SYNE1: variants seen among roughly 807,000 people sequenced by gnomAD.
The protein encoded by SYNE1 is spectrin repeat containing nuclear envelope protein 1.
Under a neutral mutation model 1,111.0 loss-of-function variants are expected in SYNE1, and 616 were observed. The observed-to-expected ratio is 0.55, with a 90% confidence interval of 0.52 to 0.59. The LOEUF (loss-of-function observed/expected upper bound fraction) is 0.59, where lower values mean the gene tolerates loss of function less well. Ranked by LOEUF, SYNE1 falls within the 20% of genes least tolerant of loss-of-function variation. The probability of loss-of-function intolerance (pLI) is 0.00; values close to 1 mark genes in which losing one functional copy is unlikely to be tolerated. For missense variants in SYNE1, 10,006 were observed against 10,417.0 expected, an observed-to-expected ratio of 0.96 and a Z score of 1.72; for synonymous variants, 3,855 against 3,825.8, an observed-to-expected ratio of 1.01 and a Z score of -0.28.
At chr6:152,453,791 C>G in intron 24 of SYNE1, 71 bp from the exon 25 acceptor site, 3 of 1,599,356 alleles carry the variant, frequency 1.9e-6, no homozygotes, top group Non-Finnish European at 2.6e-6. Context: ...CAATCAGCCT[C>G]TAAGCCTCCA....
Position 152,368,971 on chromosome 6 carries a change from C to A in SYNE1, c.9807+1G>T. ...CACACACAGCACGTGCCAGGCGTTA[C>A]CTTTGTTAAATTGCTTAGCGCTAGA... is the stretch of plus-strand genomic sequence containing the variant. On this transcript the variant is annotated splice_donor_variant, in intron 61 of 145. Coordinates refer to ENST00000367255, the MANE Select transcript of SYNE1 (RefSeq NM_182961.4). LOFTEE classifies it high-confidence loss of function. 3.7e-6 allele frequency: 6 copies of A among 1,614,178 alleles called. No individual in the cohort carries two copies. Among genetic ancestry groups the A allele is most frequent in the Non-Finnish European group, 5.1e-6 (6 of 1,180,038 alleles).
rs546512099 is a variant in SYNE1, at chr6:152,458,807, C to T, written c.2518G>A (p.Val840Ile). The stretch of plus-strand genomic sequence containing the variant: ...CTCGATTGTGCCTCACGCTCAAGAA[C>T]TGTGATAATTTCATTGATTTTCCCA... ...SLGKINEIITVLEREAQSSAL... is the reference protein window; with the variant it reads ...SLGKINEIITILEREAQSSAL... The change falls in exon 22 of 146, where the codon GTT becomes ATT. Residue 840 changes from valine to isoleucine, a missense_variant. Val to Ile is a conservative substitution (Grantham distance 29). Transcript: ENST00000367255. 1 of 1,614,050 alleles carries T rather than the reference C, an allele frequency of 6.2e-7. No individual in the cohort carries two copies. Among genetic ancestry groups the T allele is most frequent in the African/African-American group, 1.3e-5 (1 of 75,028 alleles).
intron 130 of SYNE1, among the ~76,000 whole-genome samples, chr6:152,166,881 T>C (rs985407394): frequency 1.3e-5 from 2 of 152,188 alleles, no homozygotes; most frequent in Non-Finnish European, 2.9e-5. Flanking sequence ...AACTTGACAT[T>C]TATTTGCAGG....
intron 2 of SYNE1, among the ~76,000 whole-genome samples, chr6:152,631,687 G>A (rs1207930354): frequency 1.3e-5 from 2 of 152,136 alleles, no homozygotes; most frequent in Admixed American, 6.5e-5. Context: ...CAGCTTTAGG[G>A]AACAAAATTT....
chr6:152,184,721 A>G (rs1375015240), intron 128 of SYNE1, among the ~76,000 whole-genome samples: 1 of 152,110 alleles, frequency 6.6e-6, no homozygotes, highest in Non-Finnish European at 1.5e-5. Context: ...CACCATGAAA[A>G]TGTTGCTTTC....
chr6:152,131,872 A>G (rs1476303693), intron 144 of SYNE1, among the ~76,000 whole-genome samples: 1 of 152,230 alleles, frequency 6.6e-6, no homozygotes, highest in Non-Finnish European at 1.5e-5. Context: ...TTGAGCAAGA[A>G]AAATAAATGT....
chr6:152,518,334 C>T (rs572890387), intron 6 of SYNE1, among the ~76,000 whole-genome samples: 44 of 151,838 alleles, frequency 2.9e-4, no homozygotes, highest in Non-Finnish European at 5.9e-4. Flanking sequence ...AACAGGAGGG[C>T]GAGTTCTTAT....
At chr6:152,504,311 A>G (rs370527076) in intron 9 of SYNE1, among the ~76,000 whole-genome samples, 1 of 152,178 alleles carries the variant, frequency 6.6e-6, no homozygotes, top group East Asian at 1.9e-4. Flanking sequence ...GGGGCCCTTC[A>G]TCTCAGAGGA....
At chr6:152,571,835 T>C (rs2099461297) in intron 3 of SYNE1, among the ~76,000 whole-genome samples, 1 of 152,230 alleles carries the variant, frequency 6.6e-6, no homozygotes, top group African/African-American at 2.4e-5. Flanking sequence ...TAACTAAATT[T>C]AGTTTTTAAT....
At chr6:152,493,917 CT>C (rs1421671592) in intron 11 of SYNE1, among the ~76,000 whole-genome samples, 2 of 152,206 alleles carry the variant, frequency 1.3e-5, no homozygotes, top group Non-Finnish European at 2.9e-5. Context: ...CCTTTCCCCA[CT>C]CGTCTTTCCG....
chr6:152,268,013 G>T, intron 100 of SYNE1, 43 bp downstream of exon 100: 1 of 1,515,374 alleles, frequency 6.6e-7, no homozygotes, highest in Non-Finnish European at 9.2e-7. Flanking sequence ...TCAAATGTCA[G>T]GGAAACACAA....
chr6:152,411,704 T>G (rs1369751649), intron 42 of SYNE1, among the ~76,000 whole-genome samples: 1 of 143,856 alleles, frequency 7.0e-6, no homozygotes, highest in Non-Finnish European at 1.5e-5. Flanking sequence ...AAGGAGCACT[T>G]AAAGTCACAC....
chr6:152,278,029 G>A, intron 98 of SYNE1, 60 bp downstream of exon 98: 2 of 1,589,374 alleles, frequency 1.3e-6, no homozygotes, highest in Non-Finnish European at 1.7e-6. Context: ...GCAAACCTTA[G>A]AAGGAGCACG....
rs568735662 is a variant in SYNE1 at position 152,251,762 on chromosome 6, A to T, written c.19471-2500T>A. Among the ~76,000 whole-genome samples, 3 of 152,298 alleles carry T rather than the reference A, an allele frequency of 2.0e-5. No individual in the cohort carries two copies. In the East Asian group the frequency reaches 5.8e-4, roughly 29 times the overall value. ...TGACAGAGCGAGACTCCGTCTCAAA[A>T]AAAATAAAAATAAATAAAAATAAAA... On this transcript the variant is annotated intron_variant, in intron 104 of 145. Coordinates refer to ENST00000367255, the MANE Select transcript of SYNE1 (RefSeq NM_182961.4).
chr6:152,230,383 T>TA lies in SYNE1; in HGVS notation c.21195+163dup, dbSNP rs746143296. Among the ~76,000 whole-genome samples the TA allele has an allele frequency of 2.3e-3, 349 of 152,080 alleles. 1 individual carries two copies. The highest frequency in any genetic ancestry group is 6.6e-3 in the African/African-American group (275 of 41,484). On this transcript the variant is annotated intron_variant, in intron 115 of 145. Transcript: ENST00000367255. Reference sequence around the variant, plus strand: ...CGAGTGAAAAAAACCTAATGTATTTTAAAAAAAACCCTATAAACTCACAAA... The same window carrying TA: ...CGAGTGAAAAAAACCTAATGTATTTTAAAAAAAAACCCTATAAACTCACAAA...
chr6:152,336,917 T>C lies in SYNE1; in HGVS notation c.12452A>G (p.Gln4151Arg), dbSNP rs886042888. ...CCTCCTCTTCATGTTCTGCAGTTGC[T>C]GATCAGCATCTTGCAGGTAAATCCA... is the stretch of plus-strand genomic sequence containing the variant. Reference protein sequence around the residue: ...ELWIYLQDADQQLQNMKRRHS... With the variant: ...ELWIYLQDADRQLQNMKRRHS... The change falls in exon 76 of 146, where the codon CAG becomes CGG. Residue 4151 changes from glutamine (Q) to arginine (R), a missense_variant. Around this residue, in one of 7 missense-constraint regions of SYNE1, gnomAD observed 4,955 missense variants for 5,017.2 expected, o/e 0.99. Transcript: ENST00000367255. 1 of 1,614,108 alleles carries C rather than the reference T, an allele frequency of 6.2e-7. No homozygotes were observed. The highest frequency in any genetic ancestry group is 8.5e-7 in the Non-Finnish European group (1 of 1,180,052).
intron 62 of SYNE1, among the ~76,000 whole-genome samples, chr6:152,365,295 A>G (rs1264867203): frequency 1.3e-5 from 2 of 152,200 alleles, no homozygotes; most frequent in African/African-American, 4.8e-5. Context: ...ACTGGTTTTA[A>G]CAAGGGAAAA....
chr6:152,138,009 A>G lies in SYNE1; in HGVS notation c.25459-1191T>C, dbSNP rs1198085569. 7.2e-5 allele frequency among the ~76,000 whole-genome samples: 11 copies of G among 152,282 alleles called. No homozygotes were observed. The East Asian group carries it at 1.9e-3, about 27-fold the overall frequency. On this transcript the variant is annotated intron_variant, in intron 140 of 145. Coordinates refer to ENST00000367255, the MANE Select transcript of SYNE1 (RefSeq NM_182961.4). ...ATTTGCTTCATCAACTTTTTAAGGA[A>G]TCTGGTTATAATGCAACATGGCCTT...
intron 107 of SYNE1, among the ~76,000 whole-genome samples, chr6:152,240,594 A>C (rs1044031946): frequency 1.3e-5 from 2 of 152,204 alleles, no homozygotes; most frequent in Non-Finnish European, 2.9e-5. Context: ...CCATGATAAA[A>C]TGGAAGAGCT....
Sources: allele counts gnomAD v4.1 joint callset (sites outside exome capture counted in the v4.1 genomes callset), GRCh38; gene constraint gnomAD v4.1.1; regional missense constraint gnomAD v4.1.1; transcripts MANE v1.5; gene names NCBI Gene and HGNC (gene_info 2026-07-23, HGNC 2026-07-21).